The following TPH2 variants were observed in gnomAD, a reference collection of about 807,000 sequenced individuals.
TPH2 encodes tryptophan 5-hydroxylase 2.
In TPH2, 27 loss-of-function variants were observed where a neutral mutation model predicts 59.1. The observed-to-expected ratio is 0.46, with a 90% CI of 0.34 to 0.63. The LOEUF (loss-of-function observed/expected upper bound fraction) is 0.63, where lower values mean the gene tolerates loss of function less well. Ranked by LOEUF, TPH2 falls within the 30% of genes least tolerant of loss-of-function variation. TPH2 has a pLI of 0.01. For synonymous variants in TPH2, 220 were observed against 210.5 expected (o/e 1.05, Z -0.39); for missense variants, 523 against 588.3 (o/e 0.89, Z 1.15).
chr12:71,945,382 TAA>T (rs1871172047), intron 4 of TPH2, among the ~76,000 whole-genome samples: 1 of 152,106 alleles, frequency 6.6e-6, no homozygotes, highest in Non-Finnish European at 1.5e-5. Flanking sequence ...GAAGTACAGT[TAA>T]TAGTCTGGGA....
rs117127207 is a variant in TPH2 at position 71,989,529 on chromosome 12, G to A, written c.942-4910G>A. On this transcript the variant is annotated intron_variant, in intron 7 of 10. Coordinates refer to ENST00000333850, the MANE Select transcript of TPH2 (RefSeq NM_173353.4). ...TCTTCGTGATTTAGCTAAAGTGTTG[G>A]CTTCTGTGTCATTTAGAGCAAACAA... Among the ~76,000 whole-genome samples the A allele has an allele frequency of 5.3e-4, 80 of 152,254 alleles. 1 individual carries two copies. The East Asian group carries it at 0.015, about 29-fold the overall frequency.
chr12:71,949,475 G>A, intron 4 of TPH2, 113 bp from the exon 5 acceptor site: 1 of 864,624 alleles, frequency 1.2e-6, no homozygotes, highest in Non-Finnish European at 1.9e-6. Flanking sequence ...GCCATCCTAG[G>A]ATAAGATTTA....
intron 6 of TPH2, among the ~76,000 whole-genome samples, chr12:71,975,818 C>A (rs962147770): frequency 2.0e-5 from 3 of 152,204 alleles, no homozygotes; most frequent in African/African-American, 7.2e-5. Context: ...CACCTAATTA[C>A]CTCATGCCTT....
chr12:71,971,305 C>T (rs1005006329), intron 5 of TPH2, among the ~76,000 whole-genome samples: 5 of 152,118 alleles, frequency 3.3e-5, no homozygotes, highest in Non-Finnish European at 5.9e-5. Context: ...ATATGTTGTA[C>T]GTGTATATTT....
rs1422692580 is a variant in TPH2, at chr12:72,031,624, C to T, written c.1402C>T (p.Gln468Ter). 1 of 1,613,622 alleles carries T rather than the reference C, an allele frequency of 6.2e-7. No homozygotes were observed. The highest frequency in any genetic ancestry group is 1.7e-5 in the Admixed American group (1 of 59,992). ...CACCAGAAGTATTGAAAATGTGGTG[C>T]AGGACCTTCGCAGCGACTTGAATAC... ...KDTRSIENVV[Q>*]DLRSDLNTVC... Residue 468 changes from glutamine (Q) to a stop codon, truncating the protein, a stop_gained, in exon 11 of 11, where the codon CAG (glutamine) becomes TAG (stop). Transcript: ENST00000333850. LOFTEE classifies it high-confidence loss of function.
At chr12:71,971,732 C>T (rs999419955) in intron 5 of TPH2, among the ~76,000 whole-genome samples, 6 of 152,164 alleles carry the variant, frequency 3.9e-5, no homozygotes, top group Non-Finnish European at 8.8e-5. Context: ...GTCACTAGTA[C>T]ACTACTGTTT....
At chr12:72,021,137 G>T (rs1381173377) in intron 8 of TPH2, among the ~76,000 whole-genome samples, 1 of 152,070 alleles carries the variant, frequency 6.6e-6, no homozygotes. Flanking sequence ...TTTATTGCTT[G>T]TTGTCAGCAT....
chr12:71,959,280 C>A (rs185310486), intron 5 of TPH2, among the ~76,000 whole-genome samples: 1 of 152,188 alleles, frequency 6.6e-6, no homozygotes, highest in East Asian at 1.9e-4. Flanking sequence ...TCCTCTTTCA[C>A]TAGATGACTC....
chr12:72,020,789 G>T (rs1489272514), intron 8 of TPH2, among the ~76,000 whole-genome samples: 1 of 152,026 alleles, frequency 6.6e-6, no homozygotes, highest in Non-Finnish European at 1.5e-5. Context: ...GCCCAGTCTA[G>T]GGCTGTAATT....
intron 6 of TPH2, among the ~76,000 whole-genome samples, chr12:71,973,475 G>A (rs999086515): frequency 1.2e-4 from 18 of 152,158 alleles, no homozygotes; most frequent in African/African-American, 1.7e-4. Flanking sequence ...TGGCAATGTC[G>A]GGAAATTACC....
intron 4 of TPH2, among the ~76,000 whole-genome samples, chr12:71,946,498 T>C (rs1592859768): frequency 6.6e-6 from 1 of 152,328 alleles, no homozygotes; most frequent in East Asian, 1.9e-4. Flanking sequence ...CACCTTATGA[T>C]ACCTTCTCTT....
chr12:71,945,243 T>C (rs1218377552), intron 4 of TPH2, among the ~76,000 whole-genome samples: 1 of 152,110 alleles, frequency 6.6e-6, no homozygotes, highest in Non-Finnish European at 1.5e-5. Flanking sequence ...TTTCCTCTAC[T>C]CCAATAAAAA....
At chr12:72,027,838 A>G (rs937199484) in intron 9 of TPH2, among the ~76,000 whole-genome samples, 1 of 152,046 alleles carries the variant, frequency 6.6e-6, no homozygotes, top group Non-Finnish European at 1.5e-5. Flanking sequence ...GGAGGGAGGT[A>G]AAGGTGGTGT....
chr12:72,022,538 TC>T (rs1278089362), intron 9 of TPH2, 44 bp downstream of exon 9: 1 of 1,361,888 alleles, frequency 7.3e-7, no homozygotes, highest in Non-Finnish European at 1.1e-6. Flanking sequence ...GCAAACTGGT[TC>T]AAGGTCAGGG....
At position 72,023,169 on chromosome 12, in the gene TPH2, C is replaced by T. The variant is rs115519725; in HGVS notation, c.1164+675C>T. Among the ~76,000 whole-genome samples, 1,139 of 152,004 alleles carry T rather than the reference C, an allele frequency of 7.5e-3. 12 individuals carry two copies. Among genetic ancestry groups the T allele is most frequent in the African/African-American group, 0.025 (1,040 of 41,422 alleles). ...GTCTTTTAAGAATTGCCATTTATAC[C>T]ATGGGGGGATAGCAAGTTTTGATGC... On this transcript the variant is annotated intron_variant, in intron 9 of 10. Coordinates refer to ENST00000333850, the MANE Select transcript of TPH2 (RefSeq NM_173353.4).
chr12:72,016,143 T>C (rs1873246213), intron 8 of TPH2, among the ~76,000 whole-genome samples: 1 of 152,190 alleles, frequency 6.6e-6, no homozygotes, highest in African/African-American at 2.4e-5. Flanking sequence ...ATCTATAAAA[T>C]GGAAATAATA....
In TPH2 at chr12:71,939,036, G is replaced by T. The variant is rs770241310; in HGVS notation, c.50G>T (p.Gly17Val). ...MFSSKYWARR[G>V]FSLDSAVPEE... ...TCCAGTAAATACTGGGCACGGAGAG[G>T]GTTTTCCCTGGATTCAGCAGTGCCC... Residue 17 changes from glycine to valine, a missense_variant, in exon 1 of 11, where the codon GGG becomes GTG. Coordinates refer to ENST00000333850, the MANE Select transcript of TPH2 (RefSeq NM_173353.4). 1.2e-6 allele frequency: 2 copies of T among 1,614,098 alleles called. No individual in the cohort carries two copies. The highest frequency in any genetic ancestry group is 1.7e-6 in the Non-Finnish European group (2 of 1,180,030).
intron 8 of TPH2, among the ~76,000 whole-genome samples, chr12:72,001,462 G>A (rs571997117): frequency 2.2e-4 from 33 of 148,292 alleles, no homozygotes; most frequent in Admixed American, 1.5e-3. Context: ...GTTCTCTCTC[G>A]TTGCCCAGGC....
intron 9 of TPH2, among the ~76,000 whole-genome samples, chr12:72,023,570 T>C (rs1168340053): frequency 1.3e-5 from 2 of 151,970 alleles, no homozygotes; most frequent in African/African-American, 4.8e-5. Context: ...TGGCTCATGC[T>C]TGTAGTCCCA....
Sources: allele counts gnomAD v4.1 joint callset (sites outside exome capture counted in the v4.1 genomes callset), GRCh38; gene constraint gnomAD v4.1.1; transcripts MANE v1.5; gene names NCBI Gene and HGNC (gene_info 2026-07-23, HGNC 2026-07-21).